Variants in CENPO observed in about 807,000 individuals in gnomAD.
CENPO encodes the protein centromere protein O, also known as centromeric protein O.
In CENPO, 30 loss-of-function variants were observed where a neutral mutation model predicts 36.1. The observed-to-expected ratio is 0.83, with a 90% CI of 0.62 to 1.13. The LOEUF is 1.13. Among genes scored for constraint, CENPO ranks in the 50% most tolerant of loss-of-function variants. The pLI is 0.00. For synonymous variants in CENPO, 171 were observed against 142.3 expected, an observed-to-expected ratio of 1.20 and a Z score of -1.44; for missense variants, 349 against 357.8, an observed-to-expected ratio of 0.98 and a Z score of 0.20.
At chr2:24,802,224 T>G (rs544945872) in intron 3 of CENPO, among the ~76,000 whole-genome samples, 6 of 152,276 alleles carry the variant, frequency 3.9e-5, no homozygotes, top group Non-Finnish European at 5.9e-5. Context: ...AAGGAGATTT[T>G]GGGCTGAGAC....
chr2:24,815,781 C>T (rs201667046), intron 5 of CENPO, 25 bp downstream of exon 5: 1 of 1,609,074 alleles, frequency 6.2e-7, no homozygotes, highest in Non-Finnish European at 8.5e-7. Context: ...TGTTATATGC[C>T]TCATCCGTGG....
chr2:24,809,763 A>ATGAC (rs1308633974), intron 3 of CENPO, among the ~76,000 whole-genome samples: 2 of 152,076 alleles, frequency 1.3e-5, no homozygotes, highest in African/African-American at 4.8e-5. Flanking sequence ...TGGTCAGTGA[A>ATGAC]TGACTCAGCA....
At chr2:24,815,394 A>G (rs1462731835) in intron 4 of CENPO, 103 bp from the exon 5 acceptor site, 1 of 836,490 alleles carries the variant, frequency 1.2e-6, no homozygotes, top group Non-Finnish European at 2.0e-6. Flanking sequence ...ATTTGTGTAC[A>G]AAGTGTACAT....
At chr2:24,797,009 G>A (rs1010375272) in intron 2 of CENPO, among the ~76,000 whole-genome samples, 1 of 152,218 alleles carries the variant, frequency 6.6e-6, no homozygotes, top group Non-Finnish European at 1.5e-5. Context: ...TGAAGTCATC[G>A]AAAGGCTTTA....
Position 24,811,363 on chromosome 2 carries a change from C to T in CENPO, c.217-3013C>T, listed in dbSNP as rs1352584841. Among the ~76,000 whole-genome samples, 4 of 148,630 alleles carry T rather than the reference C, an allele frequency of 2.7e-5. No homozygotes were observed. In the East Asian group the frequency reaches 8.2e-4, roughly 30 times the overall value. ...GTGGCACTATCTCAGCTCACTGCAA[C>T]CTCCGCCTCCTGATTCAAGCGATTC... On this transcript the variant is annotated intron_variant, in intron 3 of 7. Coordinates refer to ENST00000380834, the MANE Select transcript of CENPO (RefSeq NM_001322101.2).
In CENPO at chr2:24,821,792, T is replaced by C; in HGVS notation, c.*2474T>C. On this transcript the variant is annotated 3_prime_UTR_variant, in exon 8 of 8. Transcript: ENST00000380834. ...TCCCACAAAGGAGTCGCAGCCACGC[T>C]AGCTCTGACTTGCCACTGTGACAAA... 1 of 1,140,884 alleles carries C rather than the reference T, an allele frequency of 8.8e-7. No individual in the cohort carries two copies. The highest frequency in any genetic ancestry group is 1.5e-5 in the South Asian group (1 of 65,394). The allele number at this position is 1,140,884 out of a possible 1,614,324, so 70.7% of individuals were successfully genotyped here.
intron 3 of CENPO, among the ~76,000 whole-genome samples, chr2:24,811,033 T>G (rs1467300509): frequency 6.6e-6 from 1 of 151,854 alleles, no homozygotes; most frequent in East Asian, 1.9e-4. Flanking sequence ...AATTTCTGCC[T>G]CCTGGCTTCA....
chr2:24,813,457 A>G lies in CENPO; in HGVS notation c.217-919A>G, dbSNP rs569115913. On this transcript the variant is annotated intron_variant, in intron 3 of 7. Coordinates refer to ENST00000380834, the MANE Select transcript of CENPO (RefSeq NM_001322101.2). ...TTGGGAGTGTGTTGGAGATGGGTCT[A>G]TTAAGGCTCCTGTTCCCTGGCAGGC... 2.7e-3 allele frequency among the ~76,000 whole-genome samples: 410 copies of G among 152,154 alleles called. 2 individuals carry two copies. Among genetic ancestry groups the G allele is most frequent in the Non-Finnish European group, 4.9e-3 (331 of 68,008 alleles).
At chr2:24,819,117 A>G (rs570492151) in intron 7 of CENPO, 4 of 152,698 alleles carry the variant, frequency 2.6e-5, no homozygotes, top group Admixed American at 2.6e-4. Context: ...ATGAGTCAGC[A>G]AAGTACCAGC....
chr2:24,805,463 C>T (rs1666356924), intron 3 of CENPO, among the ~76,000 whole-genome samples: 1 of 151,648 alleles, frequency 6.6e-6, no homozygotes, highest in Non-Finnish European at 1.5e-5. Context: ...GTTTTATCTA[C>T]CTTTGGTCTT....
chr2:24,806,417 C>T lies in CENPO; in HGVS notation c.216+6573C>T, dbSNP rs931865457. On this transcript the variant is annotated intron_variant, in intron 3 of 7. Transcript: ENST00000380834. The stretch of plus-strand genomic sequence containing the variant: ...AATCACCCGTCTTCTGCGTTGCTCA[C>T]GCTGGGAGCTGTAGACTGGGGCTGT... Among the ~76,000 whole-genome samples, 6 of 152,196 alleles carry T rather than the reference C, an allele frequency of 3.9e-5. No individual in the cohort carries two copies. In the South Asian group the frequency reaches 6.2e-4, roughly 16 times the overall value.
Position 24,799,861 on chromosome 2 carries a change from T to C in CENPO, c.216+17T>C, listed in dbSNP as rs773317715. On this transcript the variant is annotated intron_variant, in intron 3 of 7. Coordinates refer to ENST00000380834, the MANE Select transcript of CENPO (RefSeq NM_001322101.2). ...CGAGCCAGCGTGAGTAGAAGGGTGG[T>C]ATCAGCAGTTCCTTTAGAGTATAAT... 3 of 1,611,792 alleles carry C rather than the reference T, an allele frequency of 1.9e-6. No individual in the cohort carries two copies. The highest frequency in any genetic ancestry group is 2.5e-6 in the Non-Finnish European group (3 of 1,179,572).
At chr2:24,795,655 C>T (rs915555462) in intron 2 of CENPO, among the ~76,000 whole-genome samples, 2 of 152,176 alleles carry the variant, frequency 1.3e-5, no homozygotes, top group African/African-American at 4.8e-5. Context: ...ATATTGATAT[C>T]TACTGTTTTA....
intron 2 of CENPO, among the ~76,000 whole-genome samples, chr2:24,797,205 T>C (rs1375348482): frequency 6.6e-6 from 1 of 152,156 alleles, no homozygotes; most frequent in Non-Finnish European, 1.5e-5. Flanking sequence ...TGGTAATGGA[T>C]TGGGACTGGG....
chr2:24,820,588 C>A lies in CENPO; in HGVS notation c.*1270C>A. 1 of 1,473,968 alleles carries A rather than the reference C, an allele frequency of 6.8e-7. No individual in the cohort carries two copies. The highest frequency in any genetic ancestry group is 2.3e-5 in the East Asian group (1 of 43,272). The allele number at this position is 1,473,968 out of a possible 1,614,324, so 91.3% of individuals were successfully genotyped here. On this transcript the variant is annotated 3_prime_UTR_variant, in exon 8 of 8. Transcript: ENST00000380834. ...GGCTAGCTATTGCAGAGATTCTTTT[C>A]CACTTGCCCCACGTCTCTGCCTCTG...
At position 24,821,094 on chromosome 2, in the gene CENPO, CTAACACAGCTGG is replaced by C; in HGVS notation, c.*1779_*1790del. The C allele has an allele frequency of 1.9e-6, 1 of 522,906 alleles. No homozygotes were observed. Among genetic ancestry groups the C allele is most frequent in the Non-Finnish European group, 3.3e-6 (1 of 299,212 alleles). 32.4% of individuals were successfully genotyped at this position (522,906 alleles called of 1,614,324 possible). On this transcript the variant is annotated 3_prime_UTR_variant, in exon 8 of 8. Transcript: ENST00000380834. ...TACTCGGCATGGTAGTGGCCAGCTT[CTAACACAGCTGG>C]TATTTCAAGTCTCCTGGGACCTCAC...
rs766953475 is a variant in CENPO at position 24,817,707 on chromosome 2, A to C, written c.804A>C (p.Arg268=). The change falls in exon 7 of 8, where the codon CGA becomes CGC. Residue 268 remains arginine (R), a synonymous_variant. Coordinates refer to ENST00000380834, the MANE Select transcript of CENPO (RefSeq NM_001322101.2). ...EVLSTSWEEQ[R]ASHETLFCTK... is the part of the protein sequence containing the mutation. ...TATCCACTTCATGGGAGGAGCAACG[A>C]GCATCTCATGAAACTCTGTTCTGTA... 2 of 1,614,208 alleles carry C rather than the reference A, an allele frequency of 1.2e-6. No homozygotes were observed. The highest frequency in any genetic ancestry group is 1.7e-6 in the Non-Finnish European group (2 of 1,180,018).
At chr2:24,811,270 T>TTAAAA (rs966829668) in intron 3 of CENPO, among the ~76,000 whole-genome samples, 9 of 137,348 alleles carry the variant, frequency 6.6e-5, no homozygotes, top group African/African-American at 2.4e-4. Context: ...ATTGGAGTAT[T>TTAAAA]TAGTCCATGA....
intron 5 of CENPO, chr2:24,816,433 G>C: frequency 1.9e-6 from 1 of 514,112 alleles, no homozygotes; most frequent in Non-Finnish European, 3.4e-6. Context: ...TGGCCATTTA[G>C]GCCTATAGGC....
Sources: allele counts gnomAD v4.1 joint callset (sites outside exome capture counted in the v4.1 genomes callset), GRCh38; gene constraint gnomAD v4.1.1; transcripts MANE v1.5; gene names NCBI Gene and HGNC (gene_info 2026-07-23, HGNC 2026-07-21).